TRAF3: variants seen among roughly 807,000 people sequenced by gnomAD.
The protein encoded by TRAF3 is TNF receptor associated factor 3, also known as TNF receptor-associated factor 3.
In TRAF3, 13 loss-of-function variants were observed where a neutral mutation model predicts 62.3. The ratio of observed to expected loss-of-function variants is 0.21; its 90% CI spans 0.14 to 0.33. TRAF3 has a LOEUF of 0.33. Ranked by LOEUF, TRAF3 falls within the 10% of genes least tolerant of loss-of-function variation. The probability of loss-of-function intolerance (pLI) is 1.00; values close to 1 mark genes in which losing one functional copy is unlikely to be tolerated. For synonymous variants in TRAF3, 269 were observed against 283.4 expected (o/e 0.95, Z 0.51); for missense variants, 440 against 741.8 (o/e 0.59, Z 4.73).
intron 1 of TRAF3, among the ~76,000 whole-genome samples, chr14:102,787,930 C>A (rs1897588471): frequency 6.6e-6 from 1 of 150,644 alleles, no homozygotes; most frequent in East Asian, 2.0e-4. Flanking sequence ...TGGCTCACTG[C>A]AACCTATGCG....
chr14:102,801,158 T>C (rs796140851), intron 1 of TRAF3, among the ~76,000 whole-genome samples: 1 of 152,100 alleles, frequency 6.6e-6, no homozygotes, highest in South Asian at 2.1e-4. Flanking sequence ...AGAACGAGAC[T>C]CCGTGTCTTC....
At chr14:102,855,827 C>T (rs142898949) in intron 2 of TRAF3, among the ~76,000 whole-genome samples, 74 of 150,944 alleles carry the variant, frequency 4.9e-4, no homozygotes, top group Non-Finnish European at 8.1e-4. Flanking sequence ...TACGTTGGCT[C>T]ATGCCTGTAA....
chr14:102,859,439 TAGG>T (rs1270593624), intron 2 of TRAF3, among the ~76,000 whole-genome samples: 1 of 152,242 alleles, frequency 6.6e-6, no homozygotes, highest in Non-Finnish European at 1.5e-5. Context: ...CTAGCATAGC[TAGG>T]AGGCATGGCT....
chr14:102,782,529 T>C (rs921932434), intron 1 of TRAF3, among the ~76,000 whole-genome samples: 2 of 152,144 alleles, frequency 1.3e-5, no homozygotes, highest in African/African-American at 2.4e-5. Flanking sequence ...CACCGCACCC[T>C]GTCTTGGCTC....
Position 102,908,359 on chromosome 14 carries a change from CTTTGTG to C in TRAF3, c.*2580_*2585del, listed in dbSNP as rs1890692953. The C allele has an allele frequency of 2.0e-5, 3 of 152,648 alleles. No homozygotes were observed. In the South Asian group the frequency reaches 6.2e-4, roughly 31 times the overall value. The allele number at this position is 152,648 out of a possible 1,614,324, so 9.5% of individuals were successfully genotyped here. A position where few individuals can be genotyped will look rare whatever the true frequency, so the allele number is the denominator to read the frequency against. On this transcript the variant is annotated 3_prime_UTR_variant, in exon 12 of 12. Transcript: ENST00000392745. ...GGATGGCCTGTGTCACGCGCTTTGT[CTTTGTG>C]TTTGGTTGTATCGGGGTCTCTGTTC... is the stretch of plus-strand genomic sequence containing the variant.
At chr14:102,819,414 A>G (rs1028892996) in intron 1 of TRAF3, among the ~76,000 whole-genome samples, 1 of 152,232 alleles carries the variant, frequency 6.6e-6, no homozygotes, top group African/African-American at 2.4e-5. Flanking sequence ...CCATGAGGGC[A>G]GGCACGGCAG....
intron 1 of TRAF3, among the ~76,000 whole-genome samples, chr14:102,819,975 G>A (rs1251186244): frequency 2.6e-5 from 4 of 152,158 alleles, no homozygotes; most frequent in Admixed American, 2.0e-4. Flanking sequence ...TGCTTGTCAC[G>A]CATTATGCAG....
At chr14:102,831,456 T>C (rs946827980) in intron 2 of TRAF3, among the ~76,000 whole-genome samples, 4 of 152,202 alleles carry the variant, frequency 2.6e-5, no homozygotes, top group Non-Finnish European at 5.9e-5. Context: ...GATAGGCTCT[T>C]GGTTTACCAC....
Position 102,777,564 on chromosome 14 carries a change from C to G in TRAF3, c.-268C>G, listed in dbSNP as rs1460288231. On this transcript the variant is annotated 5_prime_UTR_variant, in exon 1 of 12. Coordinates refer to ENST00000392745, the MANE Select transcript of TRAF3 (RefSeq NM_145725.3). Reference sequence around the variant, plus strand: ...AGCCGGCGGCAGCCGCGGCGGCCGCCGGCTCTTCCCCGCCCCCCGCCATGG... The same window carrying G: ...AGCCGGCGGCAGCCGCGGCGGCCGCGGGCTCTTCCCCGCCCCCCGCCATGG... 6.9e-6 allele frequency: 1 copy of G among 144,658 alleles called. No individual in the cohort carries two copies. The highest frequency in any genetic ancestry group is 2.5e-5 in the African/African-American group (1 of 40,334). The allele number at this position is 144,658 out of a possible 1,614,324, so 9.0% of individuals were successfully genotyped here. A position where few individuals can be genotyped will look rare whatever the true frequency, so the allele number is the denominator to read the frequency against.
At chr14:102,806,078 G>T (rs896231862) in intron 1 of TRAF3, among the ~76,000 whole-genome samples, 1 of 151,824 alleles carries the variant, frequency 6.6e-6, no homozygotes, top group Non-Finnish European at 1.5e-5. Context: ...GAAACCTTCA[G>T]AAGTGGGGTG....
chr14:102,850,083 A>G (rs1238258460), intron 2 of TRAF3, among the ~76,000 whole-genome samples: 3 of 152,150 alleles, frequency 2.0e-5, no homozygotes, highest in Non-Finnish European at 2.9e-5. Flanking sequence ...AATTCTAATT[A>G]CAGTGTAACT....
rs1259662150 is a variant in TRAF3 at position 102,908,683 on chromosome 14, C to G, written c.*2899C>G. 1.3e-5 allele frequency: 2 copies of G among 152,432 alleles called. No individual in the cohort carries two copies. Among genetic ancestry groups the G allele is most frequent in the African/African-American group, 4.8e-5 (2 of 41,468 alleles). 9.4% of individuals were successfully genotyped at this position (152,432 alleles called of 1,614,324 possible). ...CTTGTTTACCACACATGACCAGACT[C>G]CCAGCAGGACAGAGCTGCTCAGTAC... On this transcript the variant is annotated 3_prime_UTR_variant, in exon 12 of 12. Coordinates refer to ENST00000392745, the MANE Select transcript of TRAF3 (RefSeq NM_145725.3).
chr14:102,846,673 G>A (rs532212772), intron 2 of TRAF3, among the ~76,000 whole-genome samples: 6 of 140,128 alleles, frequency 4.3e-5, no homozygotes, highest in African/African-American at 8.5e-5. Context: ...AAAATTTTCC[G>A]GACACGGTGG....
Position 102,830,661 on chromosome 14 carries a change from G to A in TRAF3, c.-18+189G>A, listed in dbSNP as rs564522169. Among the ~76,000 whole-genome samples the A allele has an allele frequency of 2.0e-5, 3 of 152,288 alleles. No individual in the cohort carries two copies. In the South Asian group the frequency reaches 6.2e-4, roughly 32 times the overall value. ...GGAGTCACCCATAGGAGGGGCAAAG[G>A]GCATGACCTCTGCCCTTAACGCTGT... On this transcript the variant is annotated intron_variant, in intron 2 of 11. Transcript: ENST00000392745.
chr14:102,791,684 T>C (rs1040116400), intron 1 of TRAF3, among the ~76,000 whole-genome samples: 2 of 152,232 alleles, frequency 1.3e-5, no homozygotes, highest in Admixed American at 6.5e-5. Flanking sequence ...TCTTGCCTAA[T>C]TGCTCTGGCT....
At chr14:102,811,072 T>G (rs1899099798) in intron 1 of TRAF3, among the ~76,000 whole-genome samples, 1 of 152,194 alleles carries the variant, frequency 6.6e-6, no homozygotes, top group African/African-American at 2.4e-5. Context: ...AGCATCTTGG[T>G]GTATAGTCTT....
intron 2 of TRAF3, among the ~76,000 whole-genome samples, chr14:102,857,025 A>G (rs189511770): frequency 6.6e-6 from 1 of 152,358 alleles, no homozygotes; most frequent in Admixed American, 6.5e-5. Flanking sequence ...ATATTCCACA[A>G]CAGTAAAGTA....
At chr14:102,819,139 CT>C (rs1227450435) in intron 1 of TRAF3, among the ~76,000 whole-genome samples, 1 of 152,036 alleles carries the variant, frequency 6.6e-6, no homozygotes, top group Non-Finnish European at 1.5e-5. Context: ...ATCCTTCTCC[CT>C]TCCCCCAAGA....
At chr14:102,822,031 G>C (rs1371167028) in intron 1 of TRAF3, among the ~76,000 whole-genome samples, 1 of 152,142 alleles carries the variant, frequency 6.6e-6, no homozygotes, top group Non-Finnish European at 1.5e-5. Context: ...GACAGAGTGA[G>C]ACTCCATCTC....
Sources: gnomAD v4.1 joint callset for allele counts (sites outside exome capture counted in the v4.1 genomes callset) on GRCh38, gnomAD v4.1.1 for gene constraint, MANE v1.5 for transcripts, NCBI Gene and HGNC (gene_info 2026-07-23, HGNC 2026-07-21) for gene names.